MDGA2: variants seen among roughly 807,000 people sequenced by gnomAD.
The protein encoded by MDGA2 is MAM domain-containing glycosylphosphatidylinositol anchor protein 2.
Under a neutral mutation model 117.8 loss-of-function variants are expected in MDGA2, and 40 were observed. That is an observed-to-expected ratio of 0.34 (90% CI 0.26 to 0.44). The LOEUF is 0.44. Among genes scored for constraint, MDGA2 ranks in the 20% least tolerant of loss-of-function variants. The probability of loss-of-function intolerance (pLI) is 1.00; values close to 1 mark genes in which losing one functional copy is unlikely to be tolerated. For missense variants in MDGA2, 1,123 were observed against 1,250.6 expected (o/e 0.90, Z 1.54); for synonymous variants, 452 against 439.0 (o/e 1.03, Z -0.37).
chr14:47,181,891 TGTAAA>T (rs921724152), intron 3 of MDGA2, among the ~76,000 whole-genome samples: 4 of 152,202 alleles, frequency 2.6e-5, no homozygotes, highest in African/African-American at 4.8e-5. Context: ...ATGTGACATT[TGTAAA>T]GTATTTAGAC....
At position 47,012,312 on chromosome 14, in the gene MDGA2, C is replaced by A. The variant is rs371081239; in HGVS notation, c.1819+22699G>T. Among the ~76,000 whole-genome samples, 5 of 152,234 alleles carry A rather than the reference C, an allele frequency of 3.3e-5. No homozygotes were observed. The South Asian group carries it at 6.2e-4, about 19-fold the overall frequency. ...CAAATGGTAAATCAGTTCAAACATA[C>A]ACTTCAGGTGCTGCATTCTCAGAGT... On this transcript the variant is annotated intron_variant, in intron 8 of 16. Coordinates refer to ENST00000399232, the MANE Select transcript of MDGA2 (RefSeq NM_001113498.3).
At chr14:47,260,197 TG>T (rs1887749782) in intron 2 of MDGA2, among the ~76,000 whole-genome samples, 1 of 152,090 alleles carries the variant, frequency 6.6e-6, no homozygotes, top group African/African-American at 2.4e-5. Flanking sequence ...AAAGTCCAGA[TG>T]AGAGCAATGA....
intron 1 of MDGA2, among the ~76,000 whole-genome samples, chr14:47,336,017 C>G (rs961874317): frequency 6.6e-6 from 1 of 151,364 alleles, no homozygotes; most frequent in African/African-American, 2.4e-5. Context: ...AGCAATAAAC[C>G]AAGCACAGAA....
Position 46,873,577 on chromosome 14 carries a change from T to G in MDGA2, c.2608A>C (p.Ile870Leu). The G allele has an allele frequency of 6.2e-7, 1 of 1,611,874 alleles. No homozygotes were observed. ...SGSKEGFYMY[I>L]ETSRPRLEGE... ...TCCAATCTGGGTCGTGATGTCTCAA[T>G]GTACATATAAAAACCTTAAAACAGA... Residue 870 changes from isoleucine (I) to leucine (L), a missense_variant, in exon 14 of 17, where the codon ATT becomes CTT. Ile to Leu is a conservative substitution (Grantham distance 5). Around this residue, in one of 2 missense-constraint regions of MDGA2, gnomAD observed 890 missense variants for 1,050.3 expected, o/e 0.85. Coordinates refer to ENST00000399232, the MANE Select transcript of MDGA2 (RefSeq NM_001113498.3).
chr14:47,214,510 A>G (rs1886013917), intron 3 of MDGA2, among the ~76,000 whole-genome samples: 1 of 152,176 alleles, frequency 6.6e-6, no homozygotes, highest in South Asian at 2.1e-4. Flanking sequence ...TGCATGTGGT[A>G]GTTCCTTTAT....
At chr14:47,059,017 T>C (rs750017556) in intron 7 of MDGA2, 58 of 1,001,034 alleles carry the variant, frequency 5.8e-5, no homozygotes, top group Non-Finnish European at 6.8e-5. Flanking sequence ...GATAAAACAT[T>C]AAGTCACTAT....
At chr14:47,389,094 T>A (rs1204102796) in intron 1 of MDGA2, among the ~76,000 whole-genome samples, 2 of 152,224 alleles carry the variant, frequency 1.3e-5, no homozygotes, top group Admixed American at 1.3e-4. Flanking sequence ...TATTTGTTAG[T>A]CACATTTCAC....
chr14:47,538,223 TA>T (rs1207493191), intron 1 of MDGA2, among the ~76,000 whole-genome samples: 24 of 152,226 alleles, frequency 1.6e-4, no homozygotes, highest in Non-Finnish European at 2.9e-4. Flanking sequence ...GGCTTAGTGA[TA>T]AAATAAAATT....
intron 3 of MDGA2, among the ~76,000 whole-genome samples, chr14:47,203,157 A>C (rs1025878049): frequency 3.3e-5 from 5 of 152,016 alleles, no homozygotes; most frequent in Admixed American, 2.0e-4. Context: ...TTATTTGGCT[A>C]TAACAAGGTA....
chr14:47,581,828 G>A (rs952075063), intron 1 of MDGA2, among the ~76,000 whole-genome samples: 6 of 151,972 alleles, frequency 3.9e-5, no homozygotes, highest in Middle Eastern at 3.4e-3. Context: ...GTTAGTTAGC[G>A]CTTTCTAGCA....
In MDGA2 at chr14:47,243,513, C is replaced by T. The variant is rs561499781; in HGVS notation, c.421-25318G>A. Among the ~76,000 whole-genome samples, 4 of 151,370 alleles carry T rather than the reference C, an allele frequency of 2.6e-5. No homozygotes were observed. The South Asian group carries it at 6.3e-4, about 24-fold the overall frequency. On this transcript the variant is annotated intron_variant, in intron 2 of 16. Coordinates refer to ENST00000399232, the MANE Select transcript of MDGA2 (RefSeq NM_001113498.3). ...CTTTTATGAGCTGTAACACTCACAG[C>T]GAAGATCTGCAGCTTCACTCCTGAG...
chr14:47,574,788 A>G (rs1896086331), intron 1 of MDGA2, among the ~76,000 whole-genome samples: 1 of 152,194 alleles, frequency 6.6e-6, no homozygotes, highest in Non-Finnish European at 1.5e-5. Flanking sequence ...ACAGATGGCA[A>G]AACTGAGGCA....
chr14:47,363,281 G>A (rs1030290871), intron 1 of MDGA2, among the ~76,000 whole-genome samples: 4 of 150,936 alleles, frequency 2.7e-5, no homozygotes, highest in South Asian at 2.1e-4. Context: ...TTTTTGAGAC[G>A]GAGTCTTGCT....
chr14:47,634,111 CA>C (rs1296546255), intron 1 of MDGA2, among the ~76,000 whole-genome samples: 1 of 152,040 alleles, frequency 6.6e-6, no homozygotes, highest in Non-Finnish European at 1.5e-5. Context: ...AATCCTCTCT[CA>C]AGGAATTCAC....
At chr14:47,392,868 G>A (rs1400804876) in intron 1 of MDGA2, among the ~76,000 whole-genome samples, 6 of 151,986 alleles carry the variant, frequency 3.9e-5, no homozygotes, top group Non-Finnish European at 7.4e-5. Flanking sequence ...CACATTTAGG[G>A]CAAAGAAAAA....
At chr14:47,561,175 G>GTTTTTTTTTTTTTTTTTTTT (rs150826944) in intron 1 of MDGA2, among the ~76,000 whole-genome samples, 5 of 69,394 alleles carry the variant, frequency 7.2e-5, no homozygotes, top group Non-Finnish European at 1.1e-4. Context: ...TTTTTTGTTT[G>GTTTTTTTTTTTTTTTTTTTT]TTTGTTTTTT....
chr14:47,054,441 T>C (rs939245794), intron 7 of MDGA2, among the ~76,000 whole-genome samples: 15 of 151,354 alleles, frequency 9.9e-5, no homozygotes, highest in African/African-American at 3.4e-4. Flanking sequence ...CATTTAGCAT[T>C]AGGTATATCT....
intron 1 of MDGA2, among the ~76,000 whole-genome samples, chr14:47,586,891 A>G (rs569434615): frequency 1.3e-5 from 2 of 151,764 alleles, no homozygotes; most frequent in Non-Finnish European, 1.5e-5. Context: ...GTCCGTTTCC[A>G]GTGATGTTCA....
At chr14:47,324,998 G>T (rs1456625348) in intron 1 of MDGA2, among the ~76,000 whole-genome samples, 1 of 152,036 alleles carries the variant, frequency 6.6e-6, no homozygotes, top group Non-Finnish European at 1.5e-5. Flanking sequence ...GAAGAACGGT[G>T]CTATAATAAA....
Sources: gnomAD v4.1 joint callset for allele counts (sites outside exome capture counted in the v4.1 genomes callset) on GRCh38, gnomAD v4.1.1 for gene constraint, gnomAD v4.1.1 regional missense constraint, MANE v1.5 for transcripts, NCBI Gene and HGNC (gene_info 2026-07-23, HGNC 2026-07-21) for gene names.